KMT2C: variants seen among roughly 807,000 people sequenced by gnomAD.
KMT2C encodes the protein histone-lysine N-methyltransferase 2C.
KMT2C carries 88 observed loss-of-function variants against 507.9 expected under a neutral mutation model. The observed-to-expected ratio is 0.17, with a 90% CI of 0.15 to 0.21. The LOEUF (loss-of-function observed/expected upper bound fraction) is 0.21, where lower values mean the gene tolerates loss of function less well. KMT2C is among the 10% of genes least tolerant of loss of function. The pLI is 1.00. For synonymous variants in KMT2C, 2,049 were observed against 2,080.8 expected, an observed-to-expected ratio of 0.98 and a Z score of 0.42; for missense variants, 4,954 against 5,957.8, an observed-to-expected ratio of 0.83 and a Z score of 5.55.
At chr7:152,140,092 G>A (rs1436304975) in intron 55 of KMT2C, among the ~76,000 whole-genome samples, 4 of 152,280 alleles carry the variant, frequency 2.6e-5, no homozygotes, top group East Asian at 3.9e-4. Context: ...CCTTCCAGAT[G>A]AGATAGCTGA....
chr7:152,187,882 T>C, intron 31 of KMT2C, 35 bp from the exon 32 acceptor site: 1 of 1,609,952 alleles, frequency 6.2e-7, no homozygotes, highest in Non-Finnish European at 8.5e-7. Context: ...TGGCATGATA[T>C]TCACAAGTAA....
chr7:152,358,564 T>C, intron 2 of KMT2C, 23 bp downstream of exon 2: 2 of 1,424,858 alleles, frequency 1.4e-6, no homozygotes, highest in Non-Finnish European at 9.9e-7. Context: ...TATACATTCT[T>C]ATAAATTCTT....
At chr7:152,161,356 C>T (rs2092446117) in intron 43 of KMT2C, among the ~76,000 whole-genome samples, 1 of 151,868 alleles carries the variant, frequency 6.6e-6, no homozygotes, top group Non-Finnish European at 1.5e-5. Flanking sequence ...AAATGAAATC[C>T]AATTTGAGAA....
chr7:152,218,525 C>T (rs2094651625), intron 23 of KMT2C, among the ~76,000 whole-genome samples: 1 of 152,072 alleles, frequency 6.6e-6, no homozygotes, highest in Non-Finnish European at 1.5e-5. Context: ...ACCATTGTTT[C>T]TCACTGATCT....
rs183413918 is a variant in KMT2C at position 152,187,707 on chromosome 7, G to T, written c.4793+8C>A. 59 of 1,611,814 alleles carry T rather than the reference G, an allele frequency of 3.7e-5. No homozygotes were observed. In the Admixed American group the frequency reaches 5.4e-4, roughly 15 times the overall value. ...AATTTAAGTTTCCATAGAAAATAAGGCTTGTACCTGGCATCAGGATAAGAG... is the reference window on the plus strand; with the variant it reads ...AATTTAAGTTTCCATAGAAAATAAGTCTTGTACCTGGCATCAGGATAAGAG... On this transcript the variant is annotated splice_region_variant and intron_variant, in intron 32 of 58. Coordinates refer to ENST00000262189, the MANE Select transcript of KMT2C (RefSeq NM_170606.3).
At chr7:152,362,165 A>G (rs534705449) in intron 1 of KMT2C, among the ~76,000 whole-genome samples, 1 of 152,388 alleles carries the variant, frequency 6.6e-6, no homozygotes, top group Admixed American at 6.5e-5. Context: ...GATTTATAAA[A>G]TAAATGTTTT....
chr7:152,202,719 T>C (rs1588165320), intron 26 of KMT2C, among the ~76,000 whole-genome samples: 1 of 152,232 alleles, frequency 6.6e-6, no homozygotes, highest in East Asian at 1.9e-4. Context: ...ACAACTGGTA[T>C]TAAAAAAGCA....
At chr7:152,139,039 T>C in intron 57 of KMT2C, 135 bp from the exon 58 acceptor site, 3 of 995,532 alleles carry the variant, frequency 3.0e-6, no homozygotes, top group Non-Finnish European at 4.7e-6. Flanking sequence ...AATATAACAT[T>C]TAAATAAAAA....
At chr7:152,197,355 A>T (rs1563353630) in intron 27 of KMT2C, among the ~76,000 whole-genome samples, 1 of 152,180 alleles carries the variant, frequency 6.6e-6, no homozygotes, top group Non-Finnish European at 1.5e-5. Flanking sequence ...GAGAAACTGA[A>T]ATTTTTAATC....
chr7:152,301,155 G>A (rs1324032264), intron 6 of KMT2C, among the ~76,000 whole-genome samples: 1 of 150,316 alleles, frequency 6.7e-6, no homozygotes, highest in Non-Finnish European at 1.5e-5. Context: ...TTGGGCCCAG[G>A]AATTGAGACC....
intron 6 of KMT2C, among the ~76,000 whole-genome samples, chr7:152,287,786 G>A (rs537518246): frequency 6.6e-6 from 1 of 152,240 alleles, no homozygotes; most frequent in African/African-American, 2.4e-5. Context: ...CACTTTGGGA[G>A]GCAGAGGTGG....
At chr7:152,306,733 A>G (rs2096618354) in intron 6 of KMT2C, among the ~76,000 whole-genome samples, 1 of 152,214 alleles carries the variant, frequency 6.6e-6, no homozygotes. Context: ...GAATGAGAGT[A>G]CCTGTTTCCC....
intron 9 of KMT2C, among the ~76,000 whole-genome samples, chr7:152,257,854 TACACACACAC>T (rs2095686207): frequency 6.7e-6 from 1 of 148,964 alleles, no homozygotes; most frequent in Non-Finnish European, 1.5e-5. Context: ...GCCGATGAGC[TACACACACAC>T]GCACACACAC....
chr7:152,360,126 CAAAG>C (rs1424658206), intron 1 of KMT2C, among the ~76,000 whole-genome samples: 5 of 141,474 alleles, frequency 3.5e-5, no homozygotes, highest in African/African-American at 1.0e-4. Context: ...AAGAATAAAA[CAAAG>C]AACTATGTTT....
chr7:152,304,218 AG>A, intron 6 of KMT2C, among the ~76,000 whole-genome samples: 1 of 152,334 alleles, frequency 6.6e-6, no homozygotes, highest in Middle Eastern at 3.4e-3. Context: ...TGGCTCTCAT[AG>A]GTTTAAAAAA....
chr7:152,314,110 GTACTTC>G (rs1204782320), intron 4 of KMT2C, among the ~76,000 whole-genome samples: 2 of 152,020 alleles, frequency 1.3e-5, no homozygotes, highest in African/African-American at 4.8e-5. Context: ...TCCAAATATA[GTACTTC>G]TAAGTTTCCT....
chr7:152,365,453 C>G (rs900234357), intron 1 of KMT2C, among the ~76,000 whole-genome samples: 1 of 152,236 alleles, frequency 6.6e-6, no homozygotes, highest in Non-Finnish European at 1.5e-5. Context: ...TTGCAGTGAG[C>G]AGAAATCGCA....
intron 22 of KMT2C, among the ~76,000 whole-genome samples, chr7:152,221,026 G>A (rs376283661): frequency 2.0e-5 from 3 of 152,084 alleles, no homozygotes; most frequent in South Asian, 2.1e-4. Flanking sequence ...GGGCCGAGGC[G>A]GCAGGCAGAT....
intron 33 of KMT2C, among the ~76,000 whole-genome samples, chr7:152,186,831 G>A (rs1159366821): frequency 6.6e-6 from 1 of 151,994 alleles, no homozygotes; most frequent in Non-Finnish European, 1.5e-5. Flanking sequence ...AAGAGGCAGT[G>A]GTAATAGCTG....
Sources: gnomAD v4.1 joint callset for allele counts (sites outside exome capture counted in the v4.1 genomes callset) on GRCh38, gnomAD v4.1.1 for gene constraint, MANE v1.5 for transcripts, NCBI Gene and HGNC (gene_info 2026-07-23, HGNC 2026-07-21) for gene names.